WNT7B: variants seen among roughly 807,000 people sequenced by gnomAD.
The protein encoded by WNT7B is protein Wnt-7b.
A neutral mutation model predicts 38.2 loss-of-function variants in WNT7B; 19 were observed. The ratio of observed to expected loss-of-function variants is 0.50; its 90% CI spans 0.35 to 0.73. The LOEUF (loss-of-function observed/expected upper bound fraction) is 0.73. WNT7B is among the 30% of genes least tolerant of loss of function. The pLI is 0.01. For synonymous variants in WNT7B, 243 were observed against 209.3 expected (o/e 1.16, Z -1.39); for missense variants, 423 against 507.9 (o/e 0.83, Z 1.61).
chr22:45,958,477 G>A (rs1321842545), intron 1 of WNT7B, among the ~76,000 whole-genome samples: 1 of 152,218 alleles, frequency 6.6e-6, no homozygotes, highest in East Asian at 1.9e-4. Flanking sequence ...CCCTCATGCT[G>A]TCGGGGTCTT....
Position 45,923,779 on chromosome 22 carries a change from C to T in WNT7B, c.571-444G>A, listed in dbSNP as rs561597842. Among the ~76,000 whole-genome samples the T allele has an allele frequency of 1.9e-4, 29 of 152,282 alleles. No individual in the cohort carries two copies. In the South Asian group the frequency reaches 4.8e-3, roughly 25 times the overall value. ...CATTACCCCACCCTGCCATCTCTCC[C>T]GCTCCCCACCCTCGAGCTTAGCGTA... On this transcript the variant is annotated intron_variant, in intron 3 of 3. Coordinates refer to ENST00000339464, the MANE Select transcript of WNT7B (RefSeq NM_058238.3).
At chr22:45,963,632 C>A (rs1025504778) in intron 1 of WNT7B, among the ~76,000 whole-genome samples, 4 of 152,164 alleles carry the variant, frequency 2.6e-5, no homozygotes, top group African/African-American at 4.8e-5. Context: ...AGGACCAGAC[C>A]CTGTGGCTTT....
chr22:45,962,429 C>G (rs933684241), intron 1 of WNT7B, among the ~76,000 whole-genome samples: 1 of 152,178 alleles, frequency 6.6e-6, no homozygotes, highest in Non-Finnish European at 1.5e-5. Flanking sequence ...CAGGTGCTGG[C>G]CATACTGGAC....
At chr22:45,956,287 C>A (rs1314963561) in intron 1 of WNT7B, among the ~76,000 whole-genome samples, 1 of 152,218 alleles carries the variant, frequency 6.6e-6, no homozygotes, top group African/African-American at 2.4e-5. Context: ...GAGGGCCTAT[C>A]CTGTGGCGTC....
intron 3 of WNT7B, among the ~76,000 whole-genome samples, chr22:45,930,113 C>T (rs2146711870): frequency 6.6e-6 from 1 of 152,356 alleles, no homozygotes; most frequent in East Asian, 1.9e-4. Flanking sequence ...CAAAGCTTCA[C>T]TCTGACACTC....
At chr22:45,948,827 C>CCT (rs1931857475) in intron 2 of WNT7B, among the ~76,000 whole-genome samples, 1 of 90,102 alleles carries the variant, frequency 1.1e-5, no homozygotes, top group African/African-American at 3.9e-5. Flanking sequence ...CCAAAGATCC[C>CCT]TTTTTTTTTT....
intron 2 of WNT7B, among the ~76,000 whole-genome samples, chr22:45,942,849 T>G (rs530581139): frequency 7.1e-6 from 1 of 140,116 alleles, no homozygotes; most frequent in East Asian, 2.2e-4. Flanking sequence ...GCAGCCTGAG[T>G]GGGTGCTGTG....
chr22:45,972,110 G>A (rs1196844932), intron 1 of WNT7B: 1 of 574,776 alleles, frequency 1.7e-6, no homozygotes, highest in African/African-American at 2.0e-5. Flanking sequence ...TGGAGGCCCG[G>A]GGGGAGCCCA....
intron 2 of WNT7B, among the ~76,000 whole-genome samples, chr22:45,946,494 G>A (rs967269832): frequency 1.3e-5 from 2 of 152,186 alleles, no homozygotes; most frequent in African/African-American, 2.4e-5. Context: ...TGCCCCCACC[G>A]TGGCAGAACA....
At chr22:45,924,290 C>A (rs1931012061) in intron 3 of WNT7B, among the ~76,000 whole-genome samples, 3 of 152,202 alleles carry the variant, frequency 2.0e-5, no homozygotes, top group Admixed American at 1.3e-4. Flanking sequence ...CAGCTCTAGC[C>A]TAGTGGAGAA....
rs142399396 is a variant in WNT7B, at chr22:45,944,719, C to A, written c.298+5201G>T. On this transcript the variant is annotated intron_variant, in intron 2 of 3. Coordinates refer to ENST00000339464, the MANE Select transcript of WNT7B (RefSeq NM_058238.3). ...GCCCCATTGGCCTGTGCTCACCCAT[C>A]GTGTCCTGGGTGCAAGCCCTGGCCT... Among the ~76,000 whole-genome samples the A allele has an allele frequency of 5.2e-3, 788 of 152,348 alleles. 13 individuals are homozygous for A. The highest frequency in any genetic ancestry group is 0.03 in the Admixed American group (464 of 15,306).
chr22:45,926,238 C>A (rs1400811901), intron 3 of WNT7B: 1 of 985,294 alleles, frequency 1.0e-6, no homozygotes, highest in African/African-American at 1.7e-5. Flanking sequence ...CGAGCAACAG[C>A]AATGGTGGTG....
At position 45,949,957 on chromosome 22, in the gene WNT7B, G is replaced by A. The variant is rs147267470; in HGVS notation, c.261C>T (p.Leu87=). 3,066 of 1,612,134 alleles carry A rather than the reference G, an allele frequency of 1.9e-3. 20 individuals are homozygous for A. Among genetic ancestry groups the A allele is most frequent in the Non-Finnish European group, 1.5e-3 (1,740 of 1,178,696 alleles). ...FRFGRWNCSA[L]GEKTVFGQEL... ...CTTGCCCGAAGACGGTCTTCTCGCC[G>A]AGGGCAGAGCAGTTCCAGCGTCCGA... is the stretch of plus-strand genomic sequence containing the variant. Residue 87 remains leucine, a synonymous_variant, in exon 2 of 4, where the codon CTC becomes CTT. Coordinates refer to ENST00000339464, the MANE Select transcript of WNT7B (RefSeq NM_058238.3).
At chr22:45,942,437 G>A (rs933131065) in intron 2 of WNT7B, among the ~76,000 whole-genome samples, 1 of 152,262 alleles carries the variant, frequency 6.6e-6, no homozygotes. Flanking sequence ...ACAGAGCTCA[G>A]GCTGGGGACA....
intron 2 of WNT7B, among the ~76,000 whole-genome samples, chr22:45,941,076 G>A (rs569424268): frequency 2.6e-5 from 4 of 152,320 alleles, no homozygotes; most frequent in South Asian, 2.1e-4. Flanking sequence ...CCCACCCACC[G>A]GGAGGCCTGT....
At chr22:45,967,329 A>T (rs1182522775) in intron 1 of WNT7B, among the ~76,000 whole-genome samples, 1 of 152,068 alleles carries the variant, frequency 6.6e-6, no homozygotes, top group Admixed American at 6.5e-5. Context: ...TCTGAGCCGG[A>T]CCCAAGGCTG....
intron 3 of WNT7B, among the ~76,000 whole-genome samples, chr22:45,929,668 C>T (rs1355981714): frequency 2.7e-5 from 3 of 112,338 alleles, no homozygotes; most frequent in Admixed American, 1.6e-4. Flanking sequence ...ACCCACCCGC[C>T]CATCCTTCCC....
At chr22:45,960,065 TC>T (rs1250848969) in intron 1 of WNT7B, among the ~76,000 whole-genome samples, 1 of 152,070 alleles carries the variant, frequency 6.6e-6, no homozygotes, top group African/African-American at 2.4e-5. Context: ...GCACCCACCA[TC>T]CTGCCCCTGG....
intron 3 of WNT7B, among the ~76,000 whole-genome samples, chr22:45,929,776 C>T (rs983666348): frequency 6.6e-6 from 1 of 150,546 alleles, no homozygotes; most frequent in Admixed American, 6.6e-5. Context: ...ACTTATCCTT[C>T]CATCCACCCA....
Sources: gnomAD v4.1 joint callset for allele counts (sites outside exome capture counted in the v4.1 genomes callset) on GRCh38, gnomAD v4.1.1 for gene constraint, MANE v1.5 for transcripts, NCBI Gene and HGNC (gene_info 2026-07-23, HGNC 2026-07-21) for gene names.